MACROD2: variants seen among roughly 807,000 people sequenced by gnomAD.
The protein encoded by MACROD2 is ADP-ribose glycohydrolase MACROD2.
A neutral mutation model predicts 70.4 loss-of-function variants in MACROD2; 36 were observed. The observed-to-expected ratio is 0.51, with a 90% CI of 0.39 to 0.68. MACROD2 has a LOEUF of 0.68. Ranked by LOEUF, MACROD2 falls within the 30% of genes least tolerant of loss-of-function variation. The pLI, the probability that MACROD2 is intolerant of heterozygous loss-of-function variation, is 0.00. For missense variants in MACROD2, 496 were observed against 538.4 expected, an observed-to-expected ratio of 0.92 and a Z score of 0.78; for synonymous variants, 172 against 178.8, an observed-to-expected ratio of 0.96 and a Z score of 0.30.
chr20:15,083,158 G>T (rs1384314704), intron 5 of MACROD2, among the ~76,000 whole-genome samples: 6 of 152,120 alleles, frequency 3.9e-5, no homozygotes, highest in African/African-American at 7.2e-5. Flanking sequence ...AAAGGTCGTG[G>T]TCTGTGGTCC....
In MACROD2 at chr20:15,649,162, TTCTC is replaced by T. The variant is rs1313318389; in HGVS notation, c.645+149319_645+149322del. Among the ~76,000 whole-genome samples, 1,170 of 142,102 alleles carry T rather than the reference TTCTC, an allele frequency of 8.2e-3. 20 individuals are homozygous for T. The highest frequency in any genetic ancestry group is 0.029 in the African/African-American group (1,112 of 38,504). The allele number at this position is 142,102 out of a possible 152,430, so 93.2% of individuals were successfully genotyped here. A position where few individuals can be genotyped will look rare whatever the true frequency, so the allele number is the denominator to read the frequency against. Reference sequence around the variant, plus strand: ...CTTCCTCTTTCTTTCTTTTCTTTCTTTCTCTCTTTCTCTTTCTCCTTCTTTTTCC... The same window carrying T: ...CTTCCTCTTTCTTTCTTTTCTTTCTTTCTTTCTCTTTCTCCTTCTTTTTCC... On this transcript the variant is annotated intron_variant, in intron 8 of 17. Coordinates refer to ENST00000684519, the MANE Select transcript of MACROD2 (RefSeq NM_001351661.2).
intron 3 of MACROD2, among the ~76,000 whole-genome samples, chr20:14,157,035 A>G (rs1259824148): frequency 6.6e-6 from 1 of 152,182 alleles, no homozygotes. Context: ...ATGCTGCTTT[A>G]TGTTCCAATT....
intron 5 of MACROD2, among the ~76,000 whole-genome samples, chr20:15,173,421 T>A (rs575475198): frequency 2.6e-5 from 4 of 151,782 alleles, no homozygotes; most frequent in South Asian, 2.1e-4. Flanking sequence ...AGTGATAGGA[T>A]TTTTTTTATC....
intron 8 of MACROD2, among the ~76,000 whole-genome samples, chr20:15,803,146 C>T (rs1257619831): frequency 6.6e-6 from 1 of 152,092 alleles, no homozygotes; most frequent in Non-Finnish European, 1.5e-5. Flanking sequence ...GGGAATTCTT[C>T]CTAACTCACC....
chr20:15,691,886 CT>C (rs1331896140), intron 8 of MACROD2, among the ~76,000 whole-genome samples: 4 of 152,172 alleles, frequency 2.6e-5, no homozygotes, highest in African/African-American at 9.7e-5. Context: ...CACCAAACAC[CT>C]TCTAATCATG....
intron 4 of MACROD2, among the ~76,000 whole-genome samples, chr20:14,650,707 G>T (rs1001165576): frequency 8.5e-5 from 13 of 152,150 alleles, no homozygotes; most frequent in Non-Finnish European, 1.6e-4. Flanking sequence ...CCTACCAAAT[G>T]ATTAGATTTT....
chr20:15,329,275 T>C lies in MACROD2; in HGVS notation c.540+99214T>C, dbSNP rs137883640. On this transcript the variant is annotated intron_variant, in intron 6 of 17. Transcript: ENST00000684519. ...CCAAGGTCAAGTTCAGAGTGTATGATAGAGGCCCTTTGGACTTGTTCAGGG... is the reference window on the plus strand; with the variant it reads ...CCAAGGTCAAGTTCAGAGTGTATGACAGAGGCCCTTTGGACTTGTTCAGGG... Among the ~76,000 whole-genome samples, 743 of 152,212 alleles carry C rather than the reference T, an allele frequency of 4.9e-3. 9 individuals are homozygous for C. The highest frequency in any genetic ancestry group is 0.017 in the African/African-American group (725 of 41,546).
At chr20:15,425,182 C>A (rs1233641337) in intron 6 of MACROD2, among the ~76,000 whole-genome samples, 4 of 152,200 alleles carry the variant, frequency 2.6e-5, no homozygotes, top group African/African-American at 7.2e-5. Context: ...ATCTATGACT[C>A]TGAGTTGAAA....
chr20:14,315,301 ATGCTAATACTCTACATT>A (rs940296069), intron 3 of MACROD2, among the ~76,000 whole-genome samples: 1 of 152,242 alleles, frequency 6.6e-6, no homozygotes, highest in Non-Finnish European at 1.5e-5. Flanking sequence ...TAAATGGTCT[ATGCTAATACTCTACATT>A]TGCAGAGTGG....
At chr20:14,852,027 A>T (rs2073204733) in intron 5 of MACROD2, among the ~76,000 whole-genome samples, 1 of 152,184 alleles carries the variant, frequency 6.6e-6, no homozygotes, top group South Asian at 2.1e-4. Context: ...TGCATGAAAG[A>T]GGAAATTTAA....
At chr20:14,977,234 C>G (rs1179340519) in intron 5 of MACROD2, among the ~76,000 whole-genome samples, 3 of 151,546 alleles carry the variant, frequency 2.0e-5, no homozygotes, top group Admixed American at 1.3e-4. Flanking sequence ...AAGCAAACAA[C>G]TAAACTTTCA....
intron 13 of MACROD2, among the ~76,000 whole-genome samples, chr20:15,981,963 TGACA>T (rs1040324210): frequency 1.3e-5 from 2 of 152,160 alleles, no homozygotes; most frequent in Non-Finnish European, 2.9e-5. Flanking sequence ...ATATGATTCT[TGACA>T]GACATACTTT....
At chr20:15,801,976 T>G (rs2147073512) in intron 8 of MACROD2, among the ~76,000 whole-genome samples, 1 of 152,284 alleles carries the variant, frequency 6.6e-6, no homozygotes, top group African/African-American at 2.4e-5. Flanking sequence ...ATAAATTGAA[T>G]TGCTTTCTTG....
At chr20:14,316,343 G>C (rs764208637) in intron 3 of MACROD2, among the ~76,000 whole-genome samples, 1 of 152,182 alleles carries the variant, frequency 6.6e-6, no homozygotes, top group Non-Finnish European at 1.5e-5. Flanking sequence ...TAAACGTTTT[G>C]AGATTTAATC....
intron 16 of MACROD2, 77 bp from the exon 17 acceptor site, chr20:16,044,494 A>T (rs373973908): frequency 6.4e-6 from 8 of 1,241,858 alleles, no homozygotes; most frequent in Non-Finnish European, 6.9e-6. Context: ...GAAAGTATCA[A>T]ATCATGGGTC....
chr20:15,493,892 G>A (rs1232772907), intron 7 of MACROD2, among the ~76,000 whole-genome samples: 1 of 152,150 alleles, frequency 6.6e-6, no homozygotes, highest in African/African-American at 2.4e-5. Context: ...AAAGGAAAAT[G>A]TCCACCTAAT....
chr20:15,275,097 C>T (rs2077379241), intron 6 of MACROD2, among the ~76,000 whole-genome samples: 1 of 152,130 alleles, frequency 6.6e-6, no homozygotes, highest in African/African-American at 2.4e-5. Flanking sequence ...CTAGATGATC[C>T]CATAGGGAAC....
At chr20:15,602,969 CT>C (rs1316689453) in intron 8 of MACROD2, among the ~76,000 whole-genome samples, 1 of 151,310 alleles carries the variant, frequency 6.6e-6, no homozygotes, top group Non-Finnish European at 1.5e-5. Context: ...CTATTTCTTG[CT>C]TGTGTTTCTG....
intron 3 of MACROD2, among the ~76,000 whole-genome samples, chr20:14,192,487 T>C (rs1280472811): frequency 1.3e-5 from 2 of 152,118 alleles, no homozygotes; most frequent in Non-Finnish European, 2.9e-5. Context: ...AGTGGGATAC[T>C]TTAAGTAAGA....
Sources: gnomAD v4.1 joint callset for allele counts (sites outside exome capture counted in the v4.1 genomes callset) on GRCh38, gnomAD v4.1.1 for gene constraint, MANE v1.5 for transcripts, NCBI Gene and HGNC (gene_info 2026-07-23, HGNC 2026-07-21) for gene names.